The following ADGRF3 variants were observed in gnomAD, a reference collection of about 807,000 sequenced individuals.
The protein encoded by ADGRF3 is G protein-coupled receptor 113.
Under a neutral mutation model 93.2 loss-of-function variants are expected in ADGRF3, and 85 were observed. The ratio of observed to expected loss-of-function variants is 0.91; its 90% CI spans 0.77 to 1.09. The LOEUF is 1.09. Among genes scored for constraint, ADGRF3 ranks in the 50% least tolerant of loss-of-function variants. The pLI is 0.00. For missense variants in ADGRF3, 1,125 were observed against 1,246.2 expected (o/e 0.90, Z 1.46); for synonymous variants, 534 against 532.5 (o/e 1.00, Z -0.04).
At chr2:26,312,474 G>T (rs10865401) in intron 9 of ADGRF3, among the ~76,000 whole-genome samples, 103,308 of 152,106 alleles carry the variant, frequency 0.68, 35,075 homozygotes, top group East Asian at 0.73. Context: ...ACGGCCACAC[G>T]CATGTCTGTG....
At chr2:26,334,727 A>C (rs1185380681) in intron 1 of ADGRF3, among the ~76,000 whole-genome samples, 1 of 152,190 alleles carries the variant, frequency 6.6e-6, no homozygotes, top group Non-Finnish European at 1.5e-5. Flanking sequence ...CCTACTTCAT[A>C]TTATAAAACC....
At chr2:26,315,880 C>G (rs1239711430) in intron 4 of ADGRF3, 140 bp from the exon 5 acceptor site, 2 of 1,279,352 alleles carry the variant, frequency 1.6e-6, no homozygotes, top group African/African-American at 3.0e-5. Context: ...TCTTTTTGTC[C>G]CTGGGTGGGC....
intron 1 of ADGRF3, among the ~76,000 whole-genome samples, chr2:26,336,129 T>G (rs1183852670): frequency 6.6e-6 from 1 of 151,988 alleles, no homozygotes; most frequent in African/African-American, 2.4e-5. Flanking sequence ...GGGAACACAG[T>G]GTGGGGAGCT....
chr2:26,312,462 C>T (rs955017459), intron 9 of ADGRF3, among the ~76,000 whole-genome samples: 10 of 152,288 alleles, frequency 6.6e-5, no homozygotes, highest in Non-Finnish European at 7.4e-5. Flanking sequence ...GTCCTGGAGG[C>T]GACGGCCACA....
chr2:26,345,766 G>C (rs75757974), intron 1 of ADGRF3: 1 of 265,788 alleles, frequency 3.8e-6, no homozygotes, highest in Non-Finnish European at 7.3e-6. Context: ...AGACTAAAAC[G>C]GTATACCCCA....
chr2:26,308,560 A>G lies in ADGRF3; in HGVS notation c.*526T>C, dbSNP rs1431430228. 6.5e-6 allele frequency: 1 copy of G among 153,334 alleles called. No homozygotes were observed. The highest frequency in any genetic ancestry group is 2.4e-5 in the African/African-American group (1 of 41,484). The allele number at this position is 153,334 out of a possible 1,614,324, so 9.5% of individuals were successfully genotyped here. A position where few individuals can be genotyped will look rare whatever the true frequency, so the allele number is the denominator to read the frequency against. On this transcript the variant is annotated 3_prime_UTR_variant, in exon 14 of 14. Transcript: ENST00000651242. ...TATTGATTTTTTAAAGGTTAAAGAA[A>G]GAGGGACCAATTAACTTCACCTTTT...
Position 26,311,932 on chromosome 2 carries a change from T to A in ADGRF3, c.1592A>T (p.His531Leu). Reference sequence around the variant, plus strand: ...ATTGGGTAAGCTGAAGGCGAAGGGGTGGTCCTGTGGGCACAGGCTGCATGC... The same window carrying A: ...ATTGGGTAAGCTGAAGGCGAAGGGGAGGTCCTGTGGGCACAGGCTGCATGC... ...TLACSLCPQD[H>L]PFAFSLPNVL... The change falls in exon 10 of 14, where the codon CAC (histidine) becomes CTC (leucine). Residue 531 changes from histidine to leucine, a missense_variant. By Grantham distance (99) the His-to-Leu change is moderately conservative (BLOSUM62 -3). Coordinates refer to ENST00000651242, the MANE Select transcript of ADGRF3 (RefSeq NM_001321971.2). 1 of 1,613,702 alleles carries A rather than the reference T, an allele frequency of 6.2e-7. No individual in the cohort carries two copies. Among genetic ancestry groups the A allele is most frequent in the East Asian group, 2.2e-5 (1 of 44,860 alleles).
intron 1 of ADGRF3, among the ~76,000 whole-genome samples, chr2:26,342,072 CA>C (rs1219133758): frequency 2.4e-4 from 33 of 138,830 alleles, no homozygotes; most frequent in Admixed American, 1.9e-3. Flanking sequence ...GACTCCATCT[CA>C]AAAAAAAAAC....
chr2:26,339,882 A>C (rs935946660), intron 1 of ADGRF3, among the ~76,000 whole-genome samples: 2 of 152,146 alleles, frequency 1.3e-5, no homozygotes, highest in Non-Finnish European at 2.9e-5. Context: ...GAGCCACCAG[A>C]ACAAGACCCA....
chr2:26,345,324 C>A (rs888305952), intron 1 of ADGRF3, among the ~76,000 whole-genome samples: 9 of 152,080 alleles, frequency 5.9e-5, no homozygotes, highest in Admixed American at 5.9e-4. Context: ...ATTAACTGGG[C>A]TCCAGTTATG....
At chr2:26,328,997 G>A (rs568799692) in intron 1 of ADGRF3, among the ~76,000 whole-genome samples, 5 of 152,248 alleles carry the variant, frequency 3.3e-5, no homozygotes, top group Non-Finnish European at 5.9e-5. Flanking sequence ...TTTTGCAGAT[G>A]TGATTAAATT....
rs189265217 is a variant in ADGRF3, at chr2:26,322,644, A to G, written c.115-5082T>C. Among the ~76,000 whole-genome samples, 187 of 152,322 alleles carry G rather than the reference A, an allele frequency of 1.2e-3. 1 individual carries two copies. Among genetic ancestry groups the G allele is most frequent in the African/African-American group, 4.3e-3 (177 of 41,574 alleles). On this transcript the variant is annotated intron_variant, in intron 1 of 13. Transcript: ENST00000651242. ...ACAGGCTCTCCAAAGCACTGAGTTT[A>G]CCTCAGTACCCCCCAGTGCCTAGCA...
Position 26,315,638 on chromosome 2 carries a change from A to G in ADGRF3, c.602T>C (p.Leu201Pro). 1 of 1,551,612 alleles carries G rather than the reference A, an allele frequency of 6.4e-7. No individual in the cohort carries two copies. The highest frequency in any genetic ancestry group is 1.2e-5 in the South Asian group (1 of 84,050). ...GGGACTGGGGCTCCCTGGGTGCCTC[A>G]GGAACCAGCTCAGGTTGGTGGCCTC... ...SQEATNLSWF[L>P]RHPGSPSPIL... The change falls in exon 5 of 14, where the codon CTG becomes CCG. Residue 201 changes from leucine to proline, a missense_variant. Transcript: ENST00000651242.
intron 9 of ADGRF3, 67 bp downstream of exon 9, chr2:26,312,876 C>T: frequency 6.9e-7 from 1 of 1,446,302 alleles, no homozygotes; most frequent in Non-Finnish European, 9.4e-7. Flanking sequence ...GACAGAAATG[C>T]CCACAGGTGG....
intron 1 of ADGRF3, among the ~76,000 whole-genome samples, chr2:26,330,344 T>C (rs1675694464): frequency 6.6e-6 from 1 of 152,184 alleles, no homozygotes; most frequent in African/African-American, 2.4e-5. Context: ...GGGGTCATCT[T>C]CTTGTCCTCT....
Position 26,313,043 on chromosome 2 carries a change from G to A in ADGRF3, c.1349C>T (p.Ala450Val). ...LAQLPGQAAEASSPSDLLTLL... is the reference protein window; with the variant it reads ...LAQLPGQAAEVSSPSDLLTLL... ...GGTCAGTAAGTCGGAGGGTGAACTT[G>A]CCTCTGCCGCCTGCCCTGGCAGCTG... Residue 450 changes from alanine (A) to valine (V), a missense_variant, in exon 9 of 14, where the codon GCA (alanine) becomes GTA (valine). By Grantham distance (64) the Ala-to-Val change is moderately conservative. Coordinates refer to ENST00000651242, the MANE Select transcript of ADGRF3 (RefSeq NM_001321971.2). 1.9e-6 allele frequency: 3 copies of A among 1,614,058 alleles called. No individual in the cohort carries two copies. Among genetic ancestry groups the A allele is most frequent in the Non-Finnish European group, 2.5e-6 (3 of 1,179,896 alleles).
At position 26,317,377 on chromosome 2, in the gene ADGRF3, TCTCTCTCCGCCACCA is replaced by T. The variant is rs1408210645; in HGVS notation, c.181+104_181+118del. 4.6e-5 allele frequency: 44 copies of T among 961,714 alleles called. 1 individual carries two copies. Among genetic ancestry groups the T allele is most frequent in the Middle Eastern group, 5.8e-4 (2 of 3,462 alleles). 59.6% of individuals were successfully genotyped at this position (961,714 alleles called of 1,614,324 possible). A position where few individuals can be genotyped will look rare whatever the true frequency, so the allele number is the denominator to read the frequency against. On this transcript the variant is annotated intron_variant, in intron 2 of 13. Coordinates refer to ENST00000651242, the MANE Select transcript of ADGRF3 (RefSeq NM_001321971.2). ...GTCCGACTGTGATCAGAGCCAGTCC[TCTCTCTCCGCCACCA>T]CTCCCTCGCTGCACCTGCCCTCTCT...
chr2:26,317,642 AT>A lies in ADGRF3; in HGVS notation c.115-81del, dbSNP rs111255531. ...GCCAGCCTGACTAGTCTCAGCCAGCATGACTCAGTCTCAACCAGCTCTTCTT... is the reference window on the plus strand; with the variant it reads ...GCCAGCCTGACTAGTCTCAGCCAGCAGACTCAGTCTCAACCAGCTCTTCTT... On this transcript the variant is annotated intron_variant, in intron 1 of 13. Transcript: ENST00000651242. 360 of 1,255,492 alleles carry A rather than the reference AT, an allele frequency of 2.9e-4. 2 individuals are homozygous for A. The African/African-American group carries it at 4.5e-3, about 16-fold the overall frequency. 77.8% of individuals were successfully genotyped at this position (1,255,492 alleles called of 1,614,324 possible). A position where few individuals can be genotyped will look rare whatever the true frequency, so the allele number is the denominator to read the frequency against.
Position 26,346,351 on chromosome 2 carries a change from C to G in ADGRF3, c.-117G>C. 2 of 1,539,160 alleles carry G rather than the reference C, an allele frequency of 1.3e-6. No homozygotes were observed. The highest frequency in any genetic ancestry group is 1.7e-6 in the Non-Finnish European group (2 of 1,143,180). ...CGGCCTCGCCCAGGCGGCTGAGGGGCCCGCGCGGCGCGGTCCGTGTCACCT... is the reference window on the plus strand; with the variant it reads ...CGGCCTCGCCCAGGCGGCTGAGGGGGCCGCGCGGCGCGGTCCGTGTCACCT... On this transcript the variant is annotated 5_prime_UTR_variant, in exon 1 of 14. Transcript: ENST00000651242.
Sources: gnomAD v4.1 joint callset for allele counts (sites outside exome capture counted in the v4.1 genomes callset) on GRCh38, gnomAD v4.1.1 for gene constraint, MANE v1.5 for transcripts, NCBI Gene and HGNC (gene_info 2026-07-23, HGNC 2026-07-21) for gene names.